TNKS: variants seen among roughly 807,000 people sequenced by gnomAD.
The protein encoded by TNKS is tankyrase, also known as poly [ADP-ribose] polymerase tankyrase-1.
In TNKS, 72 loss-of-function variants were observed where a neutral mutation model predicts 135.8. That is an observed-to-expected ratio of 0.53 (90% CI 0.44 to 0.64). The LOEUF (loss-of-function observed/expected upper bound fraction) is 0.64, where lower values mean the gene tolerates loss of function less well. Ranked by LOEUF, TNKS falls within the 30% of genes least tolerant of loss-of-function variation. The pLI, the probability that TNKS is intolerant of heterozygous loss-of-function variation, is 0.00. For synonymous variants in TNKS, 849 were observed against 649.3 expected (o/e 1.31, Z -4.68); for missense variants, 1,769 against 1,674.0 (o/e 1.06, Z -0.99).
intron 12 of TNKS, among the ~76,000 whole-genome samples, chr8:9,725,698 T>G (rs1335505046): frequency 6.6e-6 from 1 of 152,246 alleles, no homozygotes; most frequent in Non-Finnish European, 1.5e-5. Flanking sequence ...AATGTAGGCC[T>G]CCTGGAGATC....
chr8:9,580,740 T>A (rs1390589891), intron 2 of TNKS, among the ~76,000 whole-genome samples: 1 of 152,150 alleles, frequency 6.6e-6, no homozygotes, highest in Non-Finnish European at 1.5e-5. Flanking sequence ...GGATGACATT[T>A]GAACACTTGA....
At chr8:9,658,017 A>G (rs1174247202) in intron 3 of TNKS, among the ~76,000 whole-genome samples, 3 of 69,866 alleles carry the variant, frequency 4.3e-5, no homozygotes, top group Non-Finnish European at 2.9e-5. Context: ...GGCGGGGCAG[A>G]GGCGCTCCCC....
rs1803967194 is a variant in TNKS at position 9,704,694 on chromosome 8, A to G, written c.1139A>G (p.Asn380Ser). Residue 380 changes from asparagine to serine, a missense_variant, in exon 6 of 27, where the codon AAC becomes AGC. Asn to Ser is a conservative substitution (Grantham distance 46). Transcript: ENST00000310430. ...STPLHLAAGYNRVRIVQLLLQ... is the reference protein window; with the variant it reads ...STPLHLAAGYSRVRIVQLLLQ... ...CCTTTACATCTAGCAGCGGGCTACAACAGAGTTCGAATAGTTCAGCTTCTT... is the reference window on the plus strand; with the variant it reads ...CCTTTACATCTAGCAGCGGGCTACAGCAGAGTTCGAATAGTTCAGCTTCTT... The G allele has an allele frequency of 6.2e-7, 1 of 1,613,432 alleles. No individual in the cohort carries two copies. The highest frequency in any genetic ancestry group is 1.3e-5 in the African/African-American group (1 of 74,900).
At chr8:9,735,112 C>G in intron 16 of TNKS, 28 bp downstream of exon 16, 1 of 1,598,160 alleles carries the variant, frequency 6.3e-7, no homozygotes. Context: ...CTCCAAGCCT[C>G]CTTTTCCTTT....
At position 9,556,183 on chromosome 8, in the gene TNKS, G is replaced by C; in HGVS notation, c.244G>C (p.Asp82His). The change falls in exon 1 of 27, where the codon GAC becomes CAC. Residue 82 changes from aspartate (D) to histidine (H), a missense_variant. By Grantham distance (81) the Asp-to-His change is moderately conservative. This residue lies in a region of TNKS where 450 missense variants were observed against 304.9 expected (regional missense o/e 1.48). Transcript: ENST00000310430. The part of the protein sequence containing the change: ...RDPPDRPRSP[D>H]PVDGTSCCST... Reference sequence around the variant, plus strand: ...TCCGCCCGACAGGCCCCGATCCCCGGACCCGGTTGACGGTACCAGCTGTTG... The same window carrying C: ...TCCGCCCGACAGGCCCCGATCCCCGCACCCGGTTGACGGTACCAGCTGTTG... 6.2e-7 allele frequency: 1 copy of C among 1,613,008 alleles called. No homozygotes were observed. The highest frequency in any genetic ancestry group is 2.2e-5 in the East Asian group (1 of 44,854).
intron 3 of TNKS, among the ~76,000 whole-genome samples, chr8:9,665,815 GAGTAACTACTAA>G (rs1376147298): frequency 6.6e-6 from 1 of 152,086 alleles, no homozygotes; most frequent in South Asian, 2.1e-4. Context: ...ACAAGCCCTA[GAGTAACTACTAA>G]GAAAGGCCTC....
At chr8:9,598,892 G>GAGAGAGGAAGT (rs1798912080) in intron 2 of TNKS, among the ~76,000 whole-genome samples, 1 of 148,816 alleles carries the variant, frequency 6.7e-6, no homozygotes, top group Non-Finnish European at 1.5e-5. Flanking sequence ...GAGGCCTTGA[G>GAGAGAGGAAGT]AGAGAGGAAG....
chr8:9,661,297 C>T (rs766142530), intron 3 of TNKS, among the ~76,000 whole-genome samples: 24 of 152,140 alleles, frequency 1.6e-4, no homozygotes, highest in Non-Finnish European at 3.2e-4. Context: ...GCTGAAAGAA[C>T]AAAGCTGGAG....
chr8:9,697,774 G>A (rs901236650), intron 5 of TNKS, among the ~76,000 whole-genome samples: 1 of 152,062 alleles, frequency 6.6e-6, no homozygotes, highest in African/African-American at 2.4e-5. Flanking sequence ...TTATTAAAAA[G>A]TCAAAAGACA....
intron 3 of TNKS, among the ~76,000 whole-genome samples, chr8:9,674,185 G>A (rs1802432599): frequency 1.3e-5 from 2 of 152,154 alleles, no homozygotes; most frequent in South Asian, 2.1e-4. Flanking sequence ...TCAAATACAG[G>A]ATGGAAGTTT....
chr8:9,660,490 A>T (rs1585292891), intron 3 of TNKS, among the ~76,000 whole-genome samples: 2 of 152,354 alleles, frequency 1.3e-5, no homozygotes, highest in African/African-American at 4.8e-5. Context: ...CAAAAACCAC[A>T]TGATTATCTC....
chr8:9,677,331 G>A (rs1223077911), intron 3 of TNKS, among the ~76,000 whole-genome samples: 1 of 152,120 alleles, frequency 6.6e-6, no homozygotes, highest in Non-Finnish European at 1.5e-5. Context: ...TATCCGGGAA[G>A]GAATAGCATT....
intron 2 of TNKS, among the ~76,000 whole-genome samples, chr8:9,608,040 A>G (rs1309107568): frequency 2.0e-5 from 3 of 152,128 alleles, no homozygotes; most frequent in African/African-American, 4.8e-5. Context: ...CCTGAGGCTC[A>G]AGCGATCCTC....
Position 9,748,190 on chromosome 8 carries a change from A to G in TNKS, c.2810A>G (p.Gln937Arg). The G allele has an allele frequency of 1.3e-6, 2 of 1,578,094 alleles. No homozygotes were observed. Among genetic ancestry groups the G allele is most frequent in the Non-Finnish European group, 8.6e-7 (1 of 1,162,446 alleles). ...ADPTMKNQEG[Q>R]TPLDLATADD... ...CCCACCATGAAGAACCAGGAAGGCCAGACGCCTCTGGATCTGGCAACAGTA... is the reference window on the plus strand; with the variant it reads ...CCCACCATGAAGAACCAGGAAGGCCGGACGCCTCTGGATCTGGCAACAGTA... Residue 937 changes from glutamine (Q) to arginine (R), a missense_variant, in exon 18 of 27, where the codon CAG becomes CGG. Physicochemically the swap from Gln to Arg is conservative, Grantham distance 43. Transcript: ENST00000310430.
intron 3 of TNKS, among the ~76,000 whole-genome samples, chr8:9,656,184 G>A (rs1258808241): frequency 1.3e-5 from 2 of 152,090 alleles, no homozygotes; most frequent in Non-Finnish European, 1.5e-5. Context: ...GAGAAGAGAA[G>A]TTTAGAGAAA....
intron 2 of TNKS, among the ~76,000 whole-genome samples, chr8:9,612,173 C>T (rs1189731851): frequency 2.6e-5 from 4 of 152,134 alleles, no homozygotes; most frequent in African/African-American, 7.2e-5. Context: ...CTCAGTGCTT[C>T]TCAAATTGTC....
chr8:9,668,523 C>T (rs928225079), intron 3 of TNKS, among the ~76,000 whole-genome samples: 1 of 152,084 alleles, frequency 6.6e-6, no homozygotes, highest in Admixed American at 6.5e-5. Context: ...AGTTTGATAT[C>T]CTTATGATTA....
chr8:9,602,315 G>A (rs1021702501), intron 2 of TNKS, among the ~76,000 whole-genome samples: 11 of 152,150 alleles, frequency 7.2e-5, no homozygotes, highest in Admixed American at 5.9e-4. Context: ...TCTACGTATC[G>A]CAGGATGACA....
rs185151071 is a variant in TNKS at position 9,575,353 on chromosome 8, A to G, written c.674-4806A>G. 4.5e-5 allele frequency: 44 copies of G among 981,330 alleles called. No homozygotes were observed. In the East Asian group the frequency reaches 4.9e-3, roughly 109 times the overall value. The allele number at this position is 981,330 out of a possible 1,614,324, so 60.8% of individuals were successfully genotyped here. ...GCCTGCTTCGGCCTCCCTAAATTACAGGTGTGAGCCACCGCGCCCGGCGGA... is the reference window on the plus strand; with the variant it reads ...GCCTGCTTCGGCCTCCCTAAATTACGGGTGTGAGCCACCGCGCCCGGCGGA... On this transcript the variant is annotated intron_variant, in intron 1 of 26. Coordinates refer to ENST00000310430, the MANE Select transcript of TNKS (RefSeq NM_003747.3).
Sources: allele counts gnomAD v4.1 joint callset (sites outside exome capture counted in the v4.1 genomes callset), GRCh38; gene constraint gnomAD v4.1.1; regional missense constraint gnomAD v4.1.1; transcripts MANE v1.5; gene names NCBI Gene and HGNC (gene_info 2026-07-23, HGNC 2026-07-21).